Variants in CSMD2 observed in about 807,000 individuals in gnomAD.
CSMD2 encodes the protein CUB and Sushi multiple domains 2.
Under a neutral mutation model 398.5 loss-of-function variants are expected in CSMD2, and 130 were observed. The ratio of observed to expected loss-of-function variants is 0.33; its 90% CI spans 0.28 to 0.38. The LOEUF is 0.38. CSMD2 is among the 10% of genes least tolerant of loss of function. The pLI is 1.00. For synonymous variants in CSMD2, 1,828 were observed against 1,908.5 expected (o/e 0.96, Z 1.10); for missense variants, 3,829 against 4,764.9 (o/e 0.80, Z 5.78).
intron 2 of CSMD2, among the ~76,000 whole-genome samples, chr1:34,050,871 C>T (rs1468962340): frequency 1.3e-5 from 2 of 151,954 alleles, no homozygotes; most frequent in Non-Finnish European, 2.9e-5. Flanking sequence ...GCTATGCTAG[C>T]CCAGAGGCTA....
At chr1:33,779,681 C>T (rs979780076) in intron 12 of CSMD2, among the ~76,000 whole-genome samples, 4 of 152,172 alleles carry the variant, frequency 2.6e-5, no homozygotes, top group Admixed American at 6.5e-5. Context: ...GACCTTCTTT[C>T]GAATCGCCCA....
intron 44 of CSMD2, chr1:33,599,746 C>T (rs1177861101): frequency 1.2e-5 from 2 of 166,266 alleles, no homozygotes; most frequent in Non-Finnish European, 2.6e-5. Context: ...GAGTCTCATT[C>T]CCACATTGCA....
chr1:33,856,524 G>A (rs1264731735), intron 5 of CSMD2, among the ~76,000 whole-genome samples: 2 of 152,138 alleles, frequency 1.3e-5, no homozygotes, highest in Non-Finnish European at 2.9e-5. Flanking sequence ...TCCGCTGCTT[G>A]TAATTAGTAC....
chr1:34,146,090 G>A (rs1639738518), intron 1 of CSMD2, among the ~76,000 whole-genome samples: 1 of 152,148 alleles, frequency 6.6e-6, no homozygotes, highest in Non-Finnish European at 1.5e-5. Flanking sequence ...GTCTCACTCT[G>A]TCACCCAGGC....
intron 12 of CSMD2, among the ~76,000 whole-genome samples, chr1:33,786,428 A>C (rs1267960415): frequency 6.6e-6 from 1 of 152,164 alleles, no homozygotes; most frequent in Non-Finnish European, 1.5e-5. Context: ...ACCTGAATCA[A>C]GGTCTCCTGA....
At position 33,693,073 on chromosome 1, in the gene CSMD2, A is replaced by G. The variant is rs374618067; in HGVS notation, c.3926-17T>C. 6.4e-5 allele frequency: 101 copies of G among 1,582,428 alleles called. No individual in the cohort carries two copies. The African/African-American group carries it at 1.2e-3, about 19-fold the overall frequency. On this transcript the variant is annotated splice_polypyrimidine_tract_variant and intron_variant, in intron 24 of 70. Coordinates refer to ENST00000373381, the MANE Select transcript of CSMD2 (RefSeq NM_001281956.2). ...CACACTCGGCTGAAAGAAATCCCAA[A>G]AGAGTGAGCTTCATGGGGTGGCCTG... is the stretch of plus-strand genomic sequence containing the variant.
At chr1:33,901,755 G>T (rs1642772231) in intron 5 of CSMD2, among the ~76,000 whole-genome samples, 1 of 152,262 alleles carries the variant, frequency 6.6e-6, no homozygotes, top group Admixed American at 6.5e-5. Flanking sequence ...AAATATTTGT[G>T]AAATAAATAA....
chr1:33,678,164 T>A (rs1216513174), intron 25 of CSMD2, among the ~76,000 whole-genome samples: 1 of 151,744 alleles, frequency 6.6e-6, no homozygotes, highest in Non-Finnish European at 1.5e-5. Context: ...TCTTGCTCAT[T>A]CTCTTGCCAT....
chr1:33,710,547 A>G (rs1557769601), intron 21 of CSMD2, among the ~76,000 whole-genome samples: 3 of 152,302 alleles, frequency 2.0e-5, no homozygotes, highest in African/African-American at 7.2e-5. Context: ...CATATGGGGA[A>G]TTTGGAGCAT....
chr1:33,925,302 C>G, intron 4 of CSMD2, among the ~76,000 whole-genome samples: 1 of 152,208 alleles, frequency 6.6e-6, no homozygotes, highest in East Asian at 1.9e-4. Flanking sequence ...TTGAAGCAAG[C>G]GTCCTTCCCC....
chr1:33,823,784 C>A (rs1658465411), intron 7 of CSMD2, among the ~76,000 whole-genome samples: 1 of 152,194 alleles, frequency 6.6e-6, no homozygotes, highest in Admixed American at 6.5e-5. Context: ...AGAATGGAGG[C>A]TAATATCTTC....
At chr1:33,630,476 A>C (rs911737334) in intron 32 of CSMD2, among the ~76,000 whole-genome samples, 1 of 152,242 alleles carries the variant, frequency 6.6e-6, no homozygotes, top group Non-Finnish European at 1.5e-5. Flanking sequence ...CATTTTACAG[A>C]GGAGAAAACT....
At chr1:34,006,983 T>G (rs957201594) in intron 3 of CSMD2, among the ~76,000 whole-genome samples, 18 of 152,124 alleles carry the variant, frequency 1.2e-4, no homozygotes, top group African/African-American at 3.6e-4. Context: ...CGGGGCAGAA[T>G]GCTAGCTCAC....
At chr1:34,052,012 A>C (rs946108769) in intron 2 of CSMD2, among the ~76,000 whole-genome samples, 5 of 152,104 alleles carry the variant, frequency 3.3e-5, no homozygotes, top group Non-Finnish European at 5.9e-5. Context: ...ACTCTCTCTG[A>C]CTGTCTTCAA....
At chr1:34,152,132 C>A (rs1640383436) in intron 1 of CSMD2, among the ~76,000 whole-genome samples, 1 of 152,160 alleles carries the variant, frequency 6.6e-6, no homozygotes, top group Non-Finnish European at 1.5e-5. Context: ...ATGAGAGGCA[C>A]AAGCCACCAC....
chr1:33,742,602 T>C (rs1382345286), intron 14 of CSMD2, among the ~76,000 whole-genome samples: 2 of 91,718 alleles, frequency 2.2e-5, no homozygotes, highest in Admixed American at 2.6e-4. Flanking sequence ...ACCCCCTCTG[T>C]AACCACGAGA....
chr1:34,108,916 G>C (rs965279847), intron 1 of CSMD2, among the ~76,000 whole-genome samples: 1 of 152,192 alleles, frequency 6.6e-6, no homozygotes, highest in Non-Finnish European at 1.5e-5. Context: ...GAGGAGGACA[G>C]GTGGGAGGCT....
At chr1:33,678,692 A>T (rs773037123) in intron 25 of CSMD2, among the ~76,000 whole-genome samples, 14 of 152,306 alleles carry the variant, frequency 9.2e-5, no homozygotes, top group South Asian at 4.1e-4. Context: ...CTGCAAACCA[A>T]CAATTAAACC....
At position 33,935,760 on chromosome 1, in the gene CSMD2, C is replaced by T. The variant is rs1038620250; in HGVS notation, c.712G>A (p.Ala238Thr). The T allele has an allele frequency of 2.5e-6, 4 of 1,598,966 alleles. No individual in the cohort carries two copies. The highest frequency in any genetic ancestry group is 3.4e-6 in the Non-Finnish European group (4 of 1,172,926). The change falls in exon 4 of 71, where the codon GCT (alanine) becomes ACT (threonine). Residue 238 changes from alanine to threonine, a missense_variant and splice_region_variant. Ala to Thr is a moderately conservative substitution (Grantham distance 58). Around this residue, in one of 5 missense-constraint regions of CSMD2, gnomAD observed 2,001 missense variants for 2,567.1 expected, o/e 0.78. Coordinates refer to ENST00000373381, the MANE Select transcript of CSMD2 (RefSeq NM_001281956.2). Reference protein sequence around the residue: ...TWDFPLPSCRADDACGGTLRG... With the variant: ...TWDFPLPSCRTDDACGGTLRG... ...GTCAGACCCCTTGCTGGCCACCTACCTCTGCAGGAAGGCAGGGGGAAGTCC... is the reference window on the plus strand; with the variant it reads ...GTCAGACCCCTTGCTGGCCACCTACTTCTGCAGGAAGGCAGGGGGAAGTCC...
Sources: allele counts gnomAD v4.1 joint callset (sites outside exome capture counted in the v4.1 genomes callset), GRCh38; gene constraint gnomAD v4.1.1; regional missense constraint gnomAD v4.1.1; transcripts MANE v1.5; gene names NCBI Gene and HGNC (gene_info 2026-07-23, HGNC 2026-07-21).